CASP5: variants seen among roughly 807,000 people sequenced by gnomAD.
The protein encoded by CASP5 is caspase 5.
In CASP5, 42 loss-of-function variants were observed where a neutral mutation model predicts 45.2. The observed-to-expected ratio is 0.93, with a 90% CI of 0.73 to 1.20. The LOEUF (loss-of-function observed/expected upper bound fraction) is 1.20, where lower values mean the gene tolerates loss of function less well. CASP5 is among the 50% of genes most tolerant of loss of function. The pLI, the probability that CASP5 is intolerant of heterozygous loss-of-function variation, is 0.00. For missense variants in CASP5, 512 were observed against 532.2 expected, an observed-to-expected ratio of 0.96 and a Z score of 0.37; for synonymous variants, 209 against 186.2, an observed-to-expected ratio of 1.12 and a Z score of -1.00.
chr11:105,002,082 C>T lies in CASP5; in HGVS notation c.663G>A (p.Arg221=), dbSNP rs372551754. 16 of 1,614,024 alleles carry T rather than the reference C, an allele frequency of 9.9e-6. No individual in the cohort carries two copies. In the African/African-American group the frequency reaches 1.7e-4, roughly 18 times the overall value. ...CAGTGTAGCCCAGGCCTTGAAGCAG[C>T]CTTTTCATCCCCACGATGTCATAGT... is the stretch of plus-strand genomic sequence containing the variant. ...GAHYDIVGMK[R]LLQGLGYTVV... is the part of the protein sequence containing the mutation. The change falls in exon 5 of 10, where the codon AGG becomes AGA. Residue 221 remains arginine (R), a synonymous_variant. Coordinates refer to ENST00000260315, the MANE Select transcript of CASP5 (RefSeq NM_004347.5).
intron 5 of CASP5, 150 bp from the exon 6 acceptor site, chr11:105,000,645 G>GTTT (rs922145909): frequency 1.4e-6 from 1 of 698,980 alleles, no homozygotes; most frequent in Non-Finnish European, 2.3e-6. Context: ...GCAGTTTTAT[G>GTTT]TTTTTTTGTT....
intron 3 of CASP5, among the ~76,000 whole-genome samples, 193 bp downstream of exon 3, chr11:105,006,890 T>A (rs1223076601): frequency 6.6e-6 from 1 of 152,160 alleles, no homozygotes. Flanking sequence ...AGGACACAGC[T>A]TTTTGGCTAA....
At chr11:105,012,754 A>T (rs932541996) in intron 1 of CASP5, among the ~76,000 whole-genome samples, 10 of 151,918 alleles carry the variant, frequency 6.6e-5, no homozygotes, top group Non-Finnish European at 1.5e-4. Context: ...ATTATAAAAA[A>T]AAAAGATAAC....
rs762529897 is a variant in CASP5, at chr11:105,007,350, A to G, written c.182-16T>C. On this transcript the variant is annotated splice_polypyrimidine_tract_variant and intron_variant, in intron 2 of 9. Coordinates refer to ENST00000260315, the MANE Select transcript of CASP5 (RefSeq NM_004347.5). ...TGGTTGTCTTCTGTCAGAAATAGAA[A>G]GACTCCTTTAACTATGGGCACAGCT... 76 of 1,588,834 alleles carry G rather than the reference A, an allele frequency of 4.8e-5. 1 individual carries two copies. In the East Asian group the frequency reaches 5.4e-4, roughly 11 times the overall value.
At position 105,007,064 on chromosome 11, in the gene CASP5, G is replaced by C; in HGVS notation, c.433+19C>G. On this transcript the variant is annotated intron_variant, in intron 3 of 9. Transcript: ENST00000260315. The stretch of plus-strand genomic sequence containing the variant: ...TTCTGGAAAATTTAACATATTTATC[G>C]TGTTAGATGCAACCTTACGTTTTAC... 4 of 1,598,832 alleles carry C rather than the reference G, an allele frequency of 2.5e-6. No individual in the cohort carries two copies. The highest frequency in any genetic ancestry group is 3.4e-6 in the Non-Finnish European group (4 of 1,171,544).
At position 105,007,142 on chromosome 11, in the gene CASP5, G is replaced by T. The variant is rs751901502; in HGVS notation, c.374C>A (p.Ala125Asp). ...AAGTGTTTGGGTAAACATTTGATGA[G>T]CCACGCGATTCTTTCGCAAAGAGTC... ...LVDSLRKNRV[A>D]HQMFTQTLLN... Residue 125 changes from alanine to aspartate, a missense_variant, in exon 3 of 10, where the codon GCT (alanine) becomes GAT (aspartate). Transcript: ENST00000260315. 4 of 1,613,530 alleles carry T rather than the reference G, an allele frequency of 2.5e-6. No individual in the cohort carries two copies. The East Asian group carries it at 6.7e-5, about 27-fold the overall frequency.
chr11:105,000,611 C>A (rs912091007), intron 5 of CASP5, 116 bp from the exon 6 acceptor site: 24 of 894,198 alleles, frequency 2.7e-5, no homozygotes, highest in Non-Finnish European at 4.0e-5. Context: ...TGGTGCTTCA[C>A]ATAGCGCTTA....
intron 2 of CASP5, 26 bp downstream of exon 2, chr11:105,008,781 A>C (rs772262415): frequency 1.4e-5 from 21 of 1,528,412 alleles, no homozygotes; most frequent in Non-Finnish European, 1.4e-5. Flanking sequence ...AATTGGAAAT[A>C]TCCATTGTAA....
At chr11:104,997,142 G>T (rs1389492411) in intron 8 of CASP5, among the ~76,000 whole-genome samples, 2 of 151,994 alleles carry the variant, frequency 1.3e-5, no homozygotes, top group East Asian at 3.9e-4. Context: ...ATTTTAATAA[G>T]TTATAACCCA....
chr11:105,021,488 A>T (rs1478174074), intron 1 of CASP5, among the ~76,000 whole-genome samples: 1 of 150,732 alleles, frequency 6.6e-6, no homozygotes, highest in Non-Finnish European at 1.5e-5. Flanking sequence ...CCCCATCAAA[A>T]AGTGGGCGAA....
chr11:105,000,646 T>G (rs1861681316), intron 5 of CASP5, 151 bp from the exon 6 acceptor site: 3 of 713,380 alleles, frequency 4.2e-6, no homozygotes, highest in Admixed American at 2.9e-5. Context: ...CAGTTTTATG[T>G]TTTTTTGTTT....
At chr11:105,008,142 C>A (rs2134722391) in intron 2 of CASP5, among the ~76,000 whole-genome samples, 1 of 152,108 alleles carries the variant, frequency 6.6e-6, no homozygotes, top group African/African-American at 2.4e-5. Flanking sequence ...CAGTTGCATT[C>A]TGGTGGGAGA....
rs139761426 is a variant in CASP5, at chr11:105,014,962, G to T, written c.8-5982C>A. Among the ~76,000 whole-genome samples, 381 of 152,348 alleles carry T rather than the reference G, an allele frequency of 2.5e-3. 3 individuals are homozygous for T. Among genetic ancestry groups the T allele is most frequent in the African/African-American group, 8.6e-3 (356 of 41,580 alleles). ...TAGGAGGAATTTGCCCCTTGGACAA[G>T]TGAGGGCTGGTCCCCTAACAGAGAG... On this transcript the variant is annotated intron_variant, in intron 1 of 9. Transcript: ENST00000260315.
chr11:105,020,646 G>C (rs1191559395), intron 1 of CASP5, among the ~76,000 whole-genome samples: 1 of 151,318 alleles, frequency 6.6e-6, no homozygotes, highest in African/African-American at 2.4e-5. Context: ...CACTGCTCAA[G>C]GAAATAAAAG....
At chr11:105,016,798 C>T (rs1294222745) in intron 1 of CASP5, among the ~76,000 whole-genome samples, 4 of 151,804 alleles carry the variant, frequency 2.6e-5, no homozygotes, top group African/African-American at 9.7e-5. Flanking sequence ...CTGGGTGGAG[C>T]CCACCACAGC....
chr11:104,997,355 A>G (rs751328393), intron 8 of CASP5, 28 bp downstream of exon 8: 25 of 1,402,072 alleles, frequency 1.8e-5, no homozygotes, highest in South Asian at 5.8e-5. Context: ...AAATAAGTAA[A>G]TGACTAGAAA....
chr11:105,019,532 A>T (rs1240055611), intron 1 of CASP5, among the ~76,000 whole-genome samples: 1 of 151,354 alleles, frequency 6.6e-6, no homozygotes, highest in African/African-American at 2.4e-5. Flanking sequence ...AAACACCTCT[A>T]CGCAAATAAA....
intron 1 of CASP5, among the ~76,000 whole-genome samples, chr11:105,010,703 T>A (rs979983317): frequency 1.3e-5 from 2 of 151,644 alleles, no homozygotes; most frequent in African/African-American, 4.8e-5. Context: ...ATCCTATTTT[T>A]ACACCACATT....
chr11:105,014,653 G>T (rs573776437), intron 1 of CASP5, among the ~76,000 whole-genome samples: 1 of 152,276 alleles, frequency 6.6e-6, no homozygotes, highest in African/African-American at 2.4e-5. Context: ...GCACACACTG[G>T]AAGTTTTAAG....
Sources: allele counts gnomAD v4.1 joint callset (sites outside exome capture counted in the v4.1 genomes callset), GRCh38; gene constraint gnomAD v4.1.1; transcripts MANE v1.5; gene names NCBI Gene and HGNC (gene_info 2026-07-23, HGNC 2026-07-21).